Variants in CELF2 observed in about 807,000 individuals in gnomAD.
CELF2 encodes CUGBP Elav-like family member 2.
A neutral mutation model predicts 62.6 loss-of-function variants in CELF2; 8 were observed. The ratio of observed to expected loss-of-function variants is 0.13; its 90% CI spans 0.07 to 0.23. The LOEUF (loss-of-function observed/expected upper bound fraction) is 0.23. Among genes scored for constraint, CELF2 ranks in the 10% least tolerant of loss-of-function variants. The probability of loss-of-function intolerance (pLI) is 1.00; values close to 1 mark genes in which losing one functional copy is unlikely to be tolerated. For synonymous variants in CELF2, 258 were observed against 250.0 expected, an observed-to-expected ratio of 1.03 and a Z score of -0.30; for missense variants, 333 against 671.0, an observed-to-expected ratio of 0.50 and a Z score of 5.56.
chr10:10,565,026 T>A, the CELF2 span, among the ~76,000 whole-genome samples: 1 of 152,224 alleles, frequency 6.6e-6, no homozygotes, highest in Admixed American at 6.5e-5. Flanking sequence ...GTTTCCAGGA[T>A]TGTACAGCCG....
chr10:11,043,873 G>C (rs17149300), intron 1 of CELF2, among the ~76,000 whole-genome samples: 25,999 of 152,164 alleles, frequency 0.17, 3,337 homozygotes, highest in East Asian at 0.65. Context: ...GCAAGCCAGC[G>C]TCCTTAAAAT....
At chr10:10,546,023 T>C in the CELF2 span, among the ~76,000 whole-genome samples, 1 of 152,148 alleles carries the variant, frequency 6.6e-6, no homozygotes, top group Admixed American at 6.5e-5. Context: ...AACAGCCTTG[T>C]GCTAAACCCC....
At chr10:11,171,538 A>G (rs72773982) in intron 2 of CELF2, among the ~76,000 whole-genome samples, 7,351 of 152,338 alleles carry the variant, frequency 0.048, 262 homozygotes, top group Non-Finnish European at 0.072. Context: ...GAAGAAGGAA[A>G]CAGGAACAGA....
intron 3 of CELF2, among the ~76,000 whole-genome samples, chr10:11,235,749 AAATAGCC>A (rs2070980335): frequency 6.6e-6 from 1 of 151,518 alleles, no homozygotes; most frequent in Admixed American, 6.6e-5. Flanking sequence ...GGGTAATAAG[AAATAGCC>A]CTTAAGGCAC....
At chr10:11,162,414 C>G (rs1224312911) in intron 1 of CELF2, among the ~76,000 whole-genome samples, 2 of 152,154 alleles carry the variant, frequency 1.3e-5, no homozygotes, top group Admixed American at 6.5e-5. Context: ...AAGGGATTGT[C>G]CTGCCCTTAG....
At chr10:11,175,391 G>C (rs1317283756) in intron 2 of CELF2, among the ~76,000 whole-genome samples, 1 of 152,200 alleles carries the variant, frequency 6.6e-6, no homozygotes, top group African/African-American at 2.4e-5. Context: ...TCAAAAAAAA[G>C]AGAGAATATG....
chr10:11,210,738 C>G (rs369020438), intron 2 of CELF2, among the ~76,000 whole-genome samples: 1 of 152,128 alleles, frequency 6.6e-6, no homozygotes, highest in Non-Finnish European at 1.5e-5. Flanking sequence ...GGGGTCAGCT[C>G]CTGCCTTTGG....
At chr10:10,796,914 C>A (rs1189391388), upstream of CELF2, 12 of 984,688 alleles carry the variant, frequency 1.2e-5, no homozygotes, top group Non-Finnish European at 1.4e-5. Flanking sequence ...GTATGAAATT[C>A]TCTTTTAATT....
intron 4 of CELF2, among the ~76,000 whole-genome samples, chr10:11,250,176 G>A (rs2076722758): frequency 6.6e-6 from 1 of 152,160 alleles, no homozygotes; most frequent in South Asian, 2.1e-4. Flanking sequence ...CCAAGTCATA[G>A]CATGGTGCTG....
chr10:11,053,612 CTTTTTTT>C (rs35886208), intron 1 of CELF2, among the ~76,000 whole-genome samples: 1 of 122,432 alleles, frequency 8.2e-6, no homozygotes, highest in Non-Finnish European at 1.7e-5. Flanking sequence ...TCTGATATTT[CTTTTTTT>C]TTTTTTTTTT....
the CELF2 span, among the ~76,000 whole-genome samples, chr10:10,541,718 T>A: frequency 6.6e-6 from 1 of 152,172 alleles, no homozygotes; most frequent in Non-Finnish European, 1.5e-5. Context: ...TGACCAGAGG[T>A]CACTTTCATT....
chr10:10,654,004 A>G, the CELF2 span, among the ~76,000 whole-genome samples: 1 of 151,654 alleles, frequency 6.6e-6, no homozygotes, highest in Non-Finnish European at 1.5e-5. Context: ...GAGAAGAATC[A>G]AATACACACA....
chr10:11,202,591 A>G (rs2059453550), intron 2 of CELF2, among the ~76,000 whole-genome samples: 1 of 152,224 alleles, frequency 6.6e-6, no homozygotes. Context: ...AGCCTGTGAC[A>G]GTTATATTCA....
chr10:11,209,280 C>G (rs969774126), intron 2 of CELF2, among the ~76,000 whole-genome samples: 2 of 152,118 alleles, frequency 1.3e-5, no homozygotes, highest in East Asian at 3.9e-4. Flanking sequence ...TCACTTGTAT[C>G]TAGCACTCCT....
the CELF2 span, among the ~76,000 whole-genome samples, chr10:10,532,819 T>TG: frequency 6.7e-6 from 1 of 149,374 alleles, no homozygotes; most frequent in Non-Finnish European, 1.5e-5. Flanking sequence ...GAAGATTAAA[T>TG]GCTAAAATGA....
intron 3 of CELF2, among the ~76,000 whole-genome samples, chr10:11,228,127 C>T (rs2067247545): frequency 6.6e-6 from 1 of 152,150 alleles, no homozygotes; most frequent in Non-Finnish European, 1.5e-5. Flanking sequence ...GTCACAGAAC[C>T]TCAGGATGTT....
At chr10:11,015,749 C>T (rs776173200), upstream of CELF2, among the ~76,000 whole-genome samples, 4 of 152,202 alleles carry the variant, frequency 2.6e-5, no homozygotes, top group Non-Finnish European at 5.9e-5. The surrounding 1 kb of genome is among the most constrained non-coding windows in gnomAD (Gnocchi z 4.8). Context: ...TTAAAAGCTG[C>T]TTTGAATCCA....
chr10:11,078,577 A>G (rs1594762418), intron 1 of CELF2, among the ~76,000 whole-genome samples: 1 of 152,172 alleles, frequency 6.6e-6, no homozygotes, highest in Admixed American at 6.6e-5. Context: ...AAATCTATCT[A>G]TACTCCCTAC....
At chr10:10,566,376 A>G in the CELF2 span, among the ~76,000 whole-genome samples, 2 of 151,084 alleles carry the variant, frequency 1.3e-5, no homozygotes. Context: ...ACCTTCCACA[A>G]TAGCACAACA....
Sources: gnomAD v4.1 joint callset for allele counts (sites outside exome capture counted in the v4.1 genomes callset) on GRCh38, gnomAD v4.1.1 for gene constraint, Gnocchi (gnomAD v3.1) non-coding constraint, MANE v1.5 for transcripts, NCBI Gene and HGNC (gene_info 2026-07-23, HGNC 2026-07-21) for gene names.